Variants in CHST15 observed in about 807,000 individuals in gnomAD.
CHST15 encodes carbohydrate sulfotransferase 15, also known as B cell RAG associated protein (GALNAC4S-6ST).
In CHST15, 30 loss-of-function variants were observed where a neutral mutation model predicts 53.6. That is an observed-to-expected ratio of 0.56 (90% confidence interval 0.42 to 0.76). The LOEUF (loss-of-function observed/expected upper bound fraction) is 0.76, where lower values mean the gene tolerates loss of function less well. Among genes scored for constraint, CHST15 ranks in the 30% least tolerant of loss-of-function variants. The probability of loss-of-function intolerance (pLI) is 0.00; values close to 1 mark genes in which losing one functional copy is unlikely to be tolerated. For missense variants in CHST15, 627 were observed against 740.5 expected (o/e 0.85, Z 1.78); for synonymous variants, 296 against 289.8 (o/e 1.02, Z -0.22).
intron 5 of CHST15, among the ~76,000 whole-genome samples, chr10:124,028,729 G>A (rs376861005): frequency 2.3e-4 from 35 of 152,342 alleles, no homozygotes; most frequent in African/African-American, 8.2e-4. Context: ...TGGTGGCCTT[G>A]AGCTCTGACA....
chr10:124,015,905 G>A (rs530382148), intron 6 of CHST15, among the ~76,000 whole-genome samples: 1 of 152,216 alleles, frequency 6.6e-6, no homozygotes, highest in Admixed American at 6.5e-5. Flanking sequence ...CAGAGGGCAC[G>A]AAGGAGGGAG....
Position 124,027,831 on chromosome 10 carries a change from C to T in CHST15, c.1191-6419G>A, listed in dbSNP as rs535330866. Among the ~76,000 whole-genome samples, 6 of 152,308 alleles carry T rather than the reference C, an allele frequency of 3.9e-5. No individual in the cohort carries two copies. In the South Asian group the frequency reaches 1.2e-3, roughly 32 times the overall value. ...GGGCAGGGCTGGGACCCAAACAAAC[C>T]CAGGCCTGCCTGACCCCAAAGCGCC... On this transcript the variant is annotated intron_variant, in intron 5 of 7. Coordinates refer to ENST00000435907, the MANE Select transcript of CHST15 (RefSeq NM_001270764.2).
chr10:124,072,375 A>C (rs1246950016), intron 1 of CHST15, among the ~76,000 whole-genome samples: 1 of 152,110 alleles, frequency 6.6e-6, no homozygotes, highest in Admixed American at 6.5e-5. Context: ...AGCATGCAGG[A>C]GGCTCAGTAA....
intron 1 of CHST15, among the ~76,000 whole-genome samples, chr10:124,079,716 G>C (rs1949179045): frequency 2.0e-5 from 3 of 152,250 alleles, no homozygotes; most frequent in Admixed American, 6.5e-5. Flanking sequence ...CCAGGAGGGA[G>C]GAAGAACTTC....
At chr10:124,061,675 GA>G (rs1948579235) in intron 1 of CHST15, among the ~76,000 whole-genome samples, 1 of 151,698 alleles carries the variant, frequency 6.6e-6, no homozygotes, top group Non-Finnish European at 1.5e-5. Context: ...AGATAATAAA[GA>G]AAAAATAATA....
At chr10:124,026,567 G>C (rs1036368749) in intron 5 of CHST15, among the ~76,000 whole-genome samples, 1 of 152,226 alleles carries the variant, frequency 6.6e-6, no homozygotes, top group African/African-American at 2.4e-5. Context: ...CCATGAGGAA[G>C]TGGGGGAAGG....
intron 1 of CHST15, among the ~76,000 whole-genome samples, chr10:124,082,352 C>G (rs942409989): frequency 3.3e-5 from 5 of 152,104 alleles, no homozygotes; most frequent in Admixed American, 3.3e-4. Context: ...GCCTCTCTGG[C>G]CCTCAGCTTC....
chr10:124,055,084 G>A (rs1430702321), intron 1 of CHST15, among the ~76,000 whole-genome samples: 2 of 152,000 alleles, frequency 1.3e-5, no homozygotes, highest in Non-Finnish European at 2.9e-5. Flanking sequence ...TTCCACTGCC[G>A]TTACACATCC....
chr10:124,038,931 C>T (rs1947630856), intron 4 of CHST15, among the ~76,000 whole-genome samples: 1 of 152,028 alleles, frequency 6.6e-6, no homozygotes. Context: ...AGTGCCCCCA[C>T]CCCTGAGCTC....
At chr10:124,044,989 G>A in intron 2 of CHST15, 70 bp from the exon 3 acceptor site, 1 of 1,071,286 alleles carries the variant, frequency 9.3e-7, no homozygotes, top group South Asian at 2.5e-5. Context: ...TAACCGCAAT[G>A]GGAACCTGCC....
intron 6 of CHST15, chr10:124,021,027 G>C: frequency 4.2e-6 from 6 of 1,430,908 alleles, no homozygotes; most frequent in Non-Finnish European, 5.5e-6. Flanking sequence ...GAGGGAGGAG[G>C]GGGAGGTGGC....
chr10:124,008,857 C>G lies in CHST15; in HGVS notation c.*1292G>C. ...AGGATGCTCAAGCGTTCTCTTCAAT[C>G]TTCCCTGTGACTTCCAAGAAACGAC... On this transcript the variant is annotated 3_prime_UTR_variant, in exon 8 of 8. Coordinates refer to ENST00000435907, the MANE Select transcript of CHST15 (RefSeq NM_001270764.2). The G allele has an allele frequency of 7.9e-7, 1 of 1,264,752 alleles. No individual in the cohort carries two copies. The highest frequency in any genetic ancestry group is 1.0e-6 in the Non-Finnish European group (1 of 971,092). The allele number at this position is 1,264,752 out of a possible 1,614,324, so 78.3% of individuals were successfully genotyped here.
At chr10:124,033,528 C>A (rs192121065) in intron 5 of CHST15, among the ~76,000 whole-genome samples, 274 of 152,334 alleles carry the variant, frequency 1.8e-3, no homozygotes, top group South Asian at 6.0e-3. Context: ...TCATGACTCA[C>A]TTCTAACCAA....
chr10:124,087,214 C>T (rs1484867569), intron 1 of CHST15, among the ~76,000 whole-genome samples: 2 of 152,148 alleles, frequency 1.3e-5, no homozygotes, highest in South Asian at 2.1e-4. Context: ...CCCAGTCCCT[C>T]GGGACAGCTA....
chr10:124,048,472 C>T (rs1484113180), intron 1 of CHST15, among the ~76,000 whole-genome samples: 1 of 152,162 alleles, frequency 6.6e-6, no homozygotes, highest in Non-Finnish European at 1.5e-5. Context: ...AGGCCCTACC[C>T]CCATCTCTTA....
At chr10:124,052,111 C>A (rs1302218250) in intron 1 of CHST15, among the ~76,000 whole-genome samples, 1 of 152,042 alleles carries the variant, frequency 6.6e-6, no homozygotes, top group Admixed American at 6.6e-5. Flanking sequence ...CTTAATTAAC[C>A]TTTACTAAAA....
At chr10:124,087,027 C>T (rs943373798) in intron 1 of CHST15, among the ~76,000 whole-genome samples, 23 of 152,174 alleles carry the variant, frequency 1.5e-4, no homozygotes, top group Non-Finnish European at 1.6e-4. Flanking sequence ...TGACAAGAAA[C>T]GTGAAGGTAC....
intron 4 of CHST15, among the ~76,000 whole-genome samples, chr10:124,040,961 T>C (rs1449009250): frequency 1.3e-5 from 2 of 152,264 alleles, no homozygotes; most frequent in Non-Finnish European, 2.9e-5. Flanking sequence ...TTTTCATCTC[T>C]TTCATAAGAA....
At chr10:124,081,314 A>G (rs1007579817) in intron 1 of CHST15, among the ~76,000 whole-genome samples, 1 of 152,132 alleles carries the variant, frequency 6.6e-6, no homozygotes, top group Admixed American at 6.5e-5. Context: ...TTTCTTAGCT[A>G]AAGAGCTTAA....
Sources: gnomAD v4.1 joint callset for allele counts (sites outside exome capture counted in the v4.1 genomes callset) on GRCh38, gnomAD v4.1.1 for gene constraint, MANE v1.5 for transcripts, NCBI Gene and HGNC (gene_info 2026-07-23, HGNC 2026-07-21) for gene names.